The following COL18A1 variants were observed in gnomAD, a reference collection of about 807,000 sequenced individuals.
COL18A1 encodes the protein collagen alpha-1(XVIII) chain.
COL18A1 carries 133 observed loss-of-function variants against 168.0 expected under a neutral mutation model. The ratio of observed to expected loss-of-function variants is 0.79; its 90% CI spans 0.69 to 0.91. COL18A1 has a LOEUF of 0.91. COL18A1 is among the 40% of genes least tolerant of loss of function. The probability of loss-of-function intolerance (pLI) is 0.00; values close to 1 mark genes in which losing one functional copy is unlikely to be tolerated. For missense variants in COL18A1, 2,126 were observed against 1,925.4 expected (o/e 1.10, Z -1.95); for synonymous variants, 949 against 809.0 (o/e 1.17, Z -2.94).
chr21:45,469,316 A>G (rs1162743941), intron 3 of COL18A1, among the ~76,000 whole-genome samples: 2 of 152,220 alleles, frequency 1.3e-5, no homozygotes, highest in African/African-American at 4.8e-5. Flanking sequence ...AAAACGATGA[A>G]CGATCCAAAG....
chr21:45,482,369 G>A, intron 14 of COL18A1: 1 of 662,302 alleles, frequency 1.5e-6, no homozygotes, highest in East Asian at 3.0e-5. Context: ...AGGCGTTTGT[G>A]GGTGGACCTG....
rs1296086861 is a variant in COL18A1 at position 45,495,361 on chromosome 21, C to T, written c.2437C>T (p.Arg813Cys). 4.4e-6 allele frequency: 7 copies of T among 1,608,230 alleles called. No individual in the cohort carries two copies. The highest frequency in any genetic ancestry group is 2.7e-5 in the African/African-American group (2 of 74,828). The change falls in exon 29 of 42, where the codon CGC becomes TGC. Residue 813 changes from arginine to cysteine, a missense_variant. Arg to Cys is a radical substitution (Grantham distance 180). Transcript: ENST00000651438. ...GEIGFPGRPG[R>C]PGMNGLKGEK... Reference sequence around the variant, plus strand: ...CACCCCCTGTGCTCCGCCCCAGGGTCGCCCCGGGATGAACGGATTGAAAGG... The same window carrying T: ...CACCCCCTGTGCTCCGCCCCAGGGTTGCCCCGGGATGAACGGATTGAAAGG...
At chr21:45,431,431 C>G in intron 2 of COL18A1, among the ~76,000 whole-genome samples, 4 of 87,448 alleles carry the variant, frequency 4.6e-5, no homozygotes, top group Admixed American at 2.4e-4. Flanking sequence ...GGGAGGTGGG[C>G]AGGCAGGACC....
rs543556624 is a variant in COL18A1 at position 45,442,725 on chromosome 21, G to A, written c.107-25517G>A. 1.0e-3 allele frequency among the ~76,000 whole-genome samples: 98 copies of A among 97,866 alleles called. 5 individuals carry two copies. The highest frequency in any genetic ancestry group is 4.9e-3 in the Middle Eastern group (1 of 206). The allele number at this position is 97,866 out of a possible 152,430, so 64.2% of individuals were successfully genotyped here. Reference sequence around the variant, plus strand: ...GGGCGGAGGTCCTGGTGTGGGCGGCGGTCCTGGTGTGGGCAGCGGGGCTGG... The same window carrying A: ...GGGCGGAGGTCCTGGTGTGGGCGGCAGTCCTGGTGTGGGCAGCGGGGCTGG... On this transcript the variant is annotated intron_variant, in intron 2 of 41. Coordinates refer to ENST00000651438, the MANE Select transcript of COL18A1 (RefSeq NM_001379500.1).
At chr21:45,482,388 C>T (rs1252773768) in intron 14 of COL18A1, 14 of 639,978 alleles carry the variant, frequency 2.2e-5, no homozygotes, top group African/African-American at 3.5e-5. Context: ...TGGCGGGAGT[C>T]GCCTGCGTCT....
Position 45,477,978 on chromosome 21 carries a change from G to GC in COL18A1, c.1221+13_1221+14insC, listed in dbSNP as rs2145925459. ...GGACGGCGAGCCGGTGAGTCCTCAC[G>GC]TCCCCCCGAGTCCGGCCCGGTCTGG... On this transcript the variant is annotated intron_variant, in intron 8 of 41. Coordinates refer to ENST00000651438, the MANE Select transcript of COL18A1 (RefSeq NM_001379500.1). 7.4e-7 allele frequency: 1 copy of GC among 1,343,274 alleles called. No homozygotes were observed. Among genetic ancestry groups the GC allele is most frequent in the Non-Finnish European group, 1.0e-6 (1 of 961,532 alleles). 83.2% of individuals were successfully genotyped at this position (1,343,274 alleles called of 1,614,324 possible). A position where few individuals can be genotyped will look rare whatever the true frequency, so the allele number is the denominator to read the frequency against.
At position 45,512,765 on chromosome 21, in the gene COL18A1, T is replaced by TCTG; in HGVS notation, c.*367_*368insCTG. The TCTG allele has an allele frequency of 2.7e-6, 1 of 365,224 alleles. No individual in the cohort carries two copies. Among genetic ancestry groups the TCTG allele is most frequent in the African/African-American group, 2.1e-5 (1 of 47,818 alleles). The allele number at this position is 365,224 out of a possible 1,614,324, so 22.6% of individuals were successfully genotyped here. A position where few individuals can be genotyped will look rare whatever the true frequency, so the allele number is the denominator to read the frequency against. On this transcript the variant is annotated 3_prime_UTR_variant, in exon 42 of 42. Coordinates refer to ENST00000651438, the MANE Select transcript of COL18A1 (RefSeq NM_001379500.1). ...CGTGCTCGCCCCAGCAGGTGCTGAC[T>TCTG]TCATCTCCCACCTAGCAGCACCGTT...
chr21:45,439,928 C>A (rs1289973995), intron 2 of COL18A1, among the ~76,000 whole-genome samples: 2 of 152,254 alleles, frequency 1.3e-5, no homozygotes, highest in Admixed American at 1.3e-4. Flanking sequence ...TGTCTGATGA[C>A]TTCCTGAGCG....
intron 2 of COL18A1, among the ~76,000 whole-genome samples, chr21:45,461,614 C>A (rs1207893840): frequency 6.6e-6 from 1 of 151,896 alleles, no homozygotes; most frequent in Non-Finnish European, 1.5e-5. Context: ...TCCTTGCTAG[C>A]CACATCTGTG....
intron 24 of COL18A1, among the ~76,000 whole-genome samples, 182 bp downstream of exon 24, chr21:45,492,895 C>T (rs763881688): frequency 1.7e-4 from 26 of 152,212 alleles, no homozygotes; most frequent in Admixed American, 3.3e-4. Context: ...AGGCCCTGTG[C>T]TGGGTGGGCA....
rs1326587191 is a variant in COL18A1, at chr21:45,509,431, C to T, written c.3325C>T (p.Pro1109Ser). The T allele has an allele frequency of 1.3e-6, 2 of 1,533,768 alleles. No individual in the cohort carries two copies. The highest frequency in any genetic ancestry group is 2.0e-5 in the Admixed American group (1 of 51,146). The change falls in exon 39 of 42, where the codon CCC becomes TCC. Residue 1109 changes from proline to serine, a missense_variant. Physicochemically the swap from Pro to Ser is moderately conservative, Grantham distance 74. Transcript: ENST00000651438. ...CAACCCCTACCCGCGGCGGGAGCAC[C>T]CCCACCCCACCGCGCGGCCCTGGCG... is the stretch of plus-strand genomic sequence containing the variant. ...DSNPYPRREH[P>S]HPTARPWRAD... is the part of the protein sequence containing the mutation.
chr21:45,415,560 C>T (rs1010584528), intron 2 of COL18A1, among the ~76,000 whole-genome samples: 1 of 152,178 alleles, frequency 6.6e-6, no homozygotes, highest in African/African-American at 2.4e-5. Context: ...AAGATGGATG[C>T]AGGTGGGAAC....
rs2034426415 is a variant in COL18A1, at chr21:45,443,118, G to GGTGGTGGT, written c.107-25123_107-25122insTGGTGGTG. 1.1e-5 allele frequency among the ~76,000 whole-genome samples: 1 copy of GGTGGTGGT among 93,880 alleles called. No individual in the cohort carries two copies. The highest frequency in any genetic ancestry group is 3.9e-5 in the African/African-American group (1 of 25,674). 61.6% of individuals were successfully genotyped at this position (93,880 alleles called of 152,430 possible). A position where few individuals can be genotyped will look rare whatever the true frequency, so the allele number is the denominator to read the frequency against. On this transcript the variant is annotated intron_variant, in intron 2 of 41. Coordinates refer to ENST00000651438, the MANE Select transcript of COL18A1 (RefSeq NM_001379500.1). The surrounding 1 kb of genome is among the most constrained non-coding windows in gnomAD (Gnocchi z 5.2). ...TGTGGGCGGCGGTGCTGGTGTGGGC[G>GGTGGTGGT]GCGGTGCTGGTGTGGGCGGCGGTGC...
rs867063680 is a variant in COL18A1, at chr21:45,433,179, A to G, written c.106+27706A>G. Among the ~76,000 whole-genome samples the G allele has an allele frequency of 2.0e-5, 3 of 152,236 alleles. No individual in the cohort carries two copies. The South Asian group carries it at 6.2e-4, about 32-fold the overall frequency. ...TCTGACCTTGTGAGTTTATAGAAGG[A>G]CAAGGAGAGAGGGACGCGCTGGGTT... On this transcript the variant is annotated intron_variant, in intron 2 of 41. Transcript: ENST00000651438.
Position 45,471,797 on chromosome 21 carries a change from G to A in COL18A1, c.652-2098G>A, listed in dbSNP as rs886102057. Among the ~76,000 whole-genome samples, 7 of 152,076 alleles carry A rather than the reference G, an allele frequency of 4.6e-5. No individual in the cohort carries two copies. The highest frequency in any genetic ancestry group is 1.2e-4 in the African/African-American group (5 of 41,384). On this transcript the variant is annotated intron_variant, in intron 3 of 41. Transcript: ENST00000651438. The surrounding 1 kb of genome is among the most constrained non-coding windows in gnomAD (Gnocchi z 4.4). The stretch of plus-strand genomic sequence containing the variant: ...CAGGGCGCTGAGGCTGCAGCGTGTC[G>A]GGAAGCATTTTACATGCTCTTCCCT...
intron 3 of COL18A1, among the ~76,000 whole-genome samples, chr21:45,470,498 T>G (rs2035379934): frequency 6.7e-6 from 1 of 148,680 alleles, no homozygotes; most frequent in African/African-American, 2.5e-5. Flanking sequence ...TTTTGTTTTT[T>G]TTTTTTTAGA....
chr21:45,430,310 T>A (rs2033922344), intron 2 of COL18A1, among the ~76,000 whole-genome samples: 2 of 152,204 alleles, frequency 1.3e-5, no homozygotes. Flanking sequence ...AACTCTGTGG[T>A]GGTCAGAGCT....
In COL18A1 at chr21:45,463,538, C is replaced by T. The variant is rs951203743; in HGVS notation, c.107-4704C>T. On this transcript the variant is annotated intron_variant, in intron 2 of 41. Transcript: ENST00000651438. The surrounding 1 kb of genome is among the most constrained non-coding windows in gnomAD (Gnocchi z 4.0). ...ATTAGTTGGGGAGATGGATTCCTGG[C>T]GCTTTCCATCTGCCATTTACCAGAG... Among the ~76,000 whole-genome samples the T allele has an allele frequency of 1.6e-4, 24 of 152,340 alleles. No individual in the cohort carries two copies. The highest frequency in any genetic ancestry group is 6.5e-4 in the Admixed American group (10 of 15,310).
chr21:45,452,334 AGCAT>A (rs1466627104), intron 2 of COL18A1, among the ~76,000 whole-genome samples: 2 of 151,472 alleles, frequency 1.3e-5, no homozygotes, highest in African/African-American at 4.9e-5. Flanking sequence ...GGCAGAGCTG[AGCAT>A]GCATATGCAC....
Sources: allele counts gnomAD v4.1 joint callset (sites outside exome capture counted in the v4.1 genomes callset), GRCh38; gene constraint gnomAD v4.1.1; non-coding constraint Gnocchi (gnomAD v3.1); transcripts MANE v1.5; gene names NCBI Gene and HGNC (gene_info 2026-07-23, HGNC 2026-07-21).